CNTNAP2: variants seen among roughly 807,000 people sequenced by gnomAD.
CNTNAP2 encodes the protein contactin associated protein 2.
In CNTNAP2, 98 loss-of-function variants were observed where a neutral mutation model predicts 155.2. The ratio of observed to expected loss-of-function variants is 0.63; its 90% CI spans 0.54 to 0.75. The LOEUF (loss-of-function observed/expected upper bound fraction) is 0.75, where lower values mean the gene tolerates loss of function less well. CNTNAP2 is among the 30% of genes least tolerant of loss of function. CNTNAP2 has a pLI of 0.00. For missense variants in CNTNAP2, 1,727 were observed against 1,688.1 expected (o/e 1.02, Z -0.40); for synonymous variants, 651 against 631.2 (o/e 1.03, Z -0.47).
Position 147,337,548 on chromosome 7 carries a change from T to TA in CNTNAP2, c.1498+37266dup, listed in dbSNP as rs150209708. Among the ~76,000 whole-genome samples, 44 of 152,034 alleles carry TA rather than the reference T, an allele frequency of 2.9e-4. No homozygotes were observed. The East Asian group carries it at 8.3e-3, about 29-fold the overall frequency. ...GTCTTCTAAGTTAGGGTATGCAATA[T>TA]AAAAAAAAGTTTGAACAACAATATC... On this transcript the variant is annotated intron_variant, in intron 9 of 23. Transcript: ENST00000361727.
At chr7:147,683,578 C>T (rs1795977859) in intron 13 of CNTNAP2, among the ~76,000 whole-genome samples, 1 of 151,716 alleles carries the variant, frequency 6.6e-6, no homozygotes, top group Admixed American at 6.6e-5. Context: ...ATTACCTTGT[C>T]CATATTATTA....
At chr7:146,630,458 C>G (rs960457825) in intron 1 of CNTNAP2, among the ~76,000 whole-genome samples, 1 of 151,956 alleles carries the variant, frequency 6.6e-6, no homozygotes, top group African/African-American at 2.4e-5. Context: ...GTGCATGTGT[C>G]TTTATAGTAG....
At chr7:147,347,498 A>ATGTGTGTG (rs1795897810) in intron 9 of CNTNAP2, among the ~76,000 whole-genome samples, 1 of 113,078 alleles carries the variant, frequency 8.8e-6, no homozygotes, top group African/African-American at 2.9e-5. Context: ...ATATGCATAT[A>ATGTGTGTG]TATGTGTGTG....
At chr7:146,897,599 G>C (rs978756799) in intron 3 of CNTNAP2, among the ~76,000 whole-genome samples, 8 of 149,234 alleles carry the variant, frequency 5.4e-5, no homozygotes, top group African/African-American at 2.0e-4. Context: ...TTTTTTTCTT[G>C]GCCTTTAGGA....
chr7:147,261,831 C>T (rs1450873134), intron 8 of CNTNAP2, among the ~76,000 whole-genome samples: 1 of 152,150 alleles, frequency 6.6e-6, no homozygotes, highest in Non-Finnish European at 1.5e-5. Context: ...AACAATTATT[C>T]TGAAAGATTT....
chr7:146,260,910 G>A (rs115670512), intron 1 of CNTNAP2, among the ~76,000 whole-genome samples: 3,433 of 152,160 alleles, frequency 0.023, 123 homozygotes, highest in African/African-American at 0.08. Flanking sequence ...AATATGGTTG[G>A]GCTCTGTGTT....
intron 9 of CNTNAP2, among the ~76,000 whole-genome samples, chr7:147,358,575 AT>A (rs1796099158): frequency 6.6e-6 from 1 of 152,106 alleles, no homozygotes; most frequent in African/African-American, 2.4e-5. Flanking sequence ...TATGGCATCC[AT>A]TTTAACTAAT....
chr7:148,099,266 G>T (rs1423322385), intron 15 of CNTNAP2, among the ~76,000 whole-genome samples: 1 of 151,924 alleles, frequency 6.6e-6, no homozygotes, highest in East Asian at 1.9e-4. Flanking sequence ...ACATGGGAAG[G>T]GTCTGAGCTA....
At chr7:148,080,331 C>T (rs1803569982) in intron 15 of CNTNAP2, among the ~76,000 whole-genome samples, 2 of 152,184 alleles carry the variant, frequency 1.3e-5, no homozygotes, top group East Asian at 1.9e-4. Flanking sequence ...AGCGGCCGGG[C>T]ACGGTGGCTC....
At chr7:147,355,360 C>G (rs968628108) in intron 9 of CNTNAP2, among the ~76,000 whole-genome samples, 3 of 151,896 alleles carry the variant, frequency 2.0e-5, no homozygotes, top group East Asian at 1.9e-4. Context: ...GAATCGGTAT[C>G]CTAACGTTAC....
At chr7:148,171,192 G>A (rs1289779817) in intron 17 of CNTNAP2, among the ~76,000 whole-genome samples, 1 of 152,170 alleles carries the variant, frequency 6.6e-6, no homozygotes, top group African/African-American at 2.4e-5. Flanking sequence ...AGGACCAGGT[G>A]AGTAGCATAT....
chr7:147,764,007 G>A (rs904729191), intron 13 of CNTNAP2, among the ~76,000 whole-genome samples: 2 of 152,198 alleles, frequency 1.3e-5, no homozygotes, highest in African/African-American at 2.4e-5. Flanking sequence ...GTTGCACCCT[G>A]ACACTGTGAT....
At chr7:147,006,824 C>T (rs531872970) in intron 3 of CNTNAP2, among the ~76,000 whole-genome samples, 1 of 151,954 alleles carries the variant, frequency 6.6e-6, no homozygotes, top group Non-Finnish European at 1.5e-5. Context: ...TCCTTGGTTC[C>T]TGTCTTCTTG....
At chr7:146,755,089 T>C (rs1001881545) in intron 1 of CNTNAP2, among the ~76,000 whole-genome samples, 1 of 151,962 alleles carries the variant, frequency 6.6e-6, no homozygotes, top group East Asian at 1.9e-4. Context: ...TGCAATGGGA[T>C]TGATTTTAGA....
chr7:147,818,755 G>A (rs185702994), intron 13 of CNTNAP2, among the ~76,000 whole-genome samples: 1 of 152,052 alleles, frequency 6.6e-6, no homozygotes, highest in Non-Finnish European at 1.5e-5. Flanking sequence ...TCTTTATTAG[G>A]TTTTATTTTG....
intron 1 of CNTNAP2, among the ~76,000 whole-genome samples, chr7:146,347,662 T>G (rs181321754): frequency 6.6e-6 from 1 of 152,286 alleles, no homozygotes; most frequent in East Asian, 1.9e-4. Flanking sequence ...ACCTCCCTGC[T>G]TCAAGCGATT....
chr7:146,235,448 G>A (rs1401630932), intron 1 of CNTNAP2, among the ~76,000 whole-genome samples: 1 of 151,996 alleles, frequency 6.6e-6, no homozygotes, highest in Non-Finnish European at 1.5e-5. Context: ...TTCTTTATTT[G>A]GCAGGGAAGT....
rs533720259 is a variant in CNTNAP2 at position 148,354,882 on chromosome 7, G to A, written c.3476-28767G>A. Reference sequence around the variant, plus strand: ...ACACACCCCACCCTGGGCTCGTGGCGGGACTCTGGCTCTGGCCAACATGGA... The same window carrying A: ...ACACACCCCACCCTGGGCTCGTGGCAGGACTCTGGCTCTGGCCAACATGGA... On this transcript the variant is annotated intron_variant, in intron 21 of 23. Transcript: ENST00000361727. 1.9e-3 allele frequency among the ~76,000 whole-genome samples: 290 copies of A among 152,104 alleles called. 1 individual carries two copies. Among genetic ancestry groups the A allele is most frequent in the African/African-American group, 6.1e-3 (253 of 41,488 alleles).
chr7:147,506,273 G>A (rs1245220948), intron 11 of CNTNAP2, among the ~76,000 whole-genome samples: 6 of 152,128 alleles, frequency 3.9e-5, no homozygotes, highest in East Asian at 1.9e-4. Context: ...TTTTTTGTTC[G>A]AGATGGAGTT....
Sources: allele counts gnomAD v4.1 joint callset (sites outside exome capture counted in the v4.1 genomes callset), GRCh38; gene constraint gnomAD v4.1.1; transcripts MANE v1.5; gene names NCBI Gene and HGNC (gene_info 2026-07-23, HGNC 2026-07-21).